The following MAPKAP1 variants were observed in gnomAD, a reference collection of about 807,000 sequenced individuals.
The protein encoded by MAPKAP1 is MAPK associated protein 1, also known as target of rapamycin complex 2 subunit MAPKAP1.
A neutral mutation model predicts 65.7 loss-of-function variants in MAPKAP1; 20 were observed. The observed-to-expected ratio is 0.30, with a 90% confidence interval of 0.21 to 0.44. The LOEUF (loss-of-function observed/expected upper bound fraction) is 0.44. Ranked by LOEUF, MAPKAP1 falls within the 20% of genes least tolerant of loss-of-function variation. MAPKAP1 has a pLI of 1.00. For missense variants in MAPKAP1, 423 were observed against 648.0 expected (o/e 0.65, Z 3.77); for synonymous variants, 222 against 244.3 (o/e 0.91, Z 0.85).
chr9:125,508,405 C>G (rs751185032), intron 7 of MAPKAP1, among the ~76,000 whole-genome samples: 1 of 152,110 alleles, frequency 6.6e-6, no homozygotes, highest in Non-Finnish European at 1.5e-5. Context: ...TACCCCTGAA[C>G]CTGGAGGGCT....
At chr9:125,469,038 T>C (rs1853795668) in intron 9 of MAPKAP1, among the ~76,000 whole-genome samples, 1 of 152,164 alleles carries the variant, frequency 6.6e-6, no homozygotes, top group Admixed American at 6.5e-5. Flanking sequence ...CTCTTTTTCC[T>C]CTTTTGCTGA....
chr9:125,613,725 G>A (rs1471268170), intron 4 of MAPKAP1, among the ~76,000 whole-genome samples: 1 of 152,066 alleles, frequency 6.6e-6, no homozygotes, highest in African/African-American at 2.4e-5. Flanking sequence ...TTATTAGCAG[G>A]TTCCGCCAAA....
chr9:125,556,812 A>T (rs1159529335), intron 6 of MAPKAP1, among the ~76,000 whole-genome samples: 1 of 152,242 alleles, frequency 6.6e-6, no homozygotes, highest in Non-Finnish European at 1.5e-5. Context: ...CTAACTTAGA[A>T]TATAGACCAG....
chr9:125,697,688 A>G (rs1835426667), intron 1 of MAPKAP1, among the ~76,000 whole-genome samples: 1 of 152,226 alleles, frequency 6.6e-6, no homozygotes, highest in Non-Finnish European at 1.5e-5. Flanking sequence ...TTTCTTTAAT[A>G]AAGATTCCTA....
In MAPKAP1 at chr9:125,438,807, G is replaced by A. The variant is rs554364977; in HGVS notation, c.*80C>T. The A allele has an allele frequency of 5.4e-5, 85 of 1,584,650 alleles. No homozygotes were observed. In the South Asian group the frequency reaches 8.9e-4, roughly 17 times the overall value. ...GCTGGCCTCCCCCCGAGGACTTCAG[G>A]ACACCGGGTGGACTCTAGGGCACTT... is the stretch of plus-strand genomic sequence containing the variant. On this transcript the variant is annotated 3_prime_UTR_variant, in exon 12 of 12. Coordinates refer to ENST00000265960, the MANE Select transcript of MAPKAP1 (RefSeq NM_001006617.3).
rs775517443 is a variant in MAPKAP1 at position 125,440,720 on chromosome 9, C to T, written c.1444-1708G>A. Among the ~76,000 whole-genome samples, 49 of 152,236 alleles carry T rather than the reference C, an allele frequency of 3.2e-4. 1 individual carries two copies. The highest frequency in any genetic ancestry group is 1.0e-4 in the Non-Finnish European group (7 of 68,046). On this transcript the variant is annotated intron_variant, in intron 11 of 11. Transcript: ENST00000265960. ...GCGTGAGTACAGAAGGCCTGACACG[C>T]TCTGCCCGCTGCCTCGCCAAGTTAC...
At chr9:125,442,444 A>T (rs1398510281) in intron 11 of MAPKAP1, among the ~76,000 whole-genome samples, 1 of 151,856 alleles carries the variant, frequency 6.6e-6, no homozygotes, top group Non-Finnish European at 1.5e-5. Context: ...TCTGTCATCA[A>T]TCTGCTGTTG....
intron 4 of MAPKAP1, among the ~76,000 whole-genome samples, chr9:125,616,409 T>A (rs1292435475): frequency 1.3e-5 from 2 of 152,056 alleles, no homozygotes; most frequent in Non-Finnish European, 2.9e-5. Flanking sequence ...AAAAAGAGAA[T>A]GAAGACAAGT....
chr9:125,656,091 A>T (rs796679302), intron 4 of MAPKAP1, among the ~76,000 whole-genome samples: 1 of 152,354 alleles, frequency 6.6e-6, no homozygotes, highest in African/African-American at 2.4e-5. Flanking sequence ...ATATAAACAC[A>T]TTATCACACA....
chr9:125,545,987 C>T (rs755236962), intron 6 of MAPKAP1, among the ~76,000 whole-genome samples: 15 of 152,180 alleles, frequency 9.9e-5, no homozygotes, highest in Non-Finnish European at 1.5e-4. Context: ...CACCTGCGGA[C>T]GCTTCCGAGC....
At position 125,444,576 on chromosome 9, in the gene MAPKAP1, C is replaced by A. The variant is rs35549826; in HGVS notation, c.1368G>T (p.Thr456=). 1.9e-6 allele frequency: 3 copies of A among 1,613,470 alleles called. No homozygotes were observed. Among genetic ancestry groups the A allele is most frequent in the Admixed American group, 1.7e-5 (1 of 59,922 alleles). ...KSPSHAIFKL[T]YLSNHDYKHL... is the part of the protein sequence containing the mutation. ...GTTTATAGTCGTGATTGCTTAGATA[C>A]GTGAGTTTAAATATTGCGTGACCTG... Residue 456 remains threonine, a synonymous_variant, in exon 11 of 12, where the codon ACG becomes ACT. Coordinates refer to ENST00000265960, the MANE Select transcript of MAPKAP1 (RefSeq NM_001006617.3).
chr9:125,478,486 C>G (rs1428590258), intron 9 of MAPKAP1, among the ~76,000 whole-genome samples: 1 of 152,118 alleles, frequency 6.6e-6, no homozygotes, highest in African/African-American at 2.4e-5. Context: ...CGCCACCACA[C>G]CCAGCTAAGG....
chr9:125,599,015 A>G (rs1832222993), intron 4 of MAPKAP1, among the ~76,000 whole-genome samples: 1 of 151,392 alleles, frequency 6.6e-6, no homozygotes, highest in East Asian at 1.9e-4. Context: ...CTGGGTGACA[A>G]GAATGAAACT....
At chr9:125,653,223 C>T (rs1386647896) in intron 4 of MAPKAP1, among the ~76,000 whole-genome samples, 1 of 152,146 alleles carries the variant, frequency 6.6e-6, no homozygotes, top group African/African-American at 2.4e-5. Flanking sequence ...GCCCCTGTAA[C>T]AAGAAACAGA....
Position 125,438,563 on chromosome 9 carries a change from GT to G in MAPKAP1, c.*323del, listed in dbSNP as rs1488344643. 1 of 413,612 alleles carries G rather than the reference GT, an allele frequency of 2.4e-6. No homozygotes were observed. Among genetic ancestry groups the G allele is most frequent in the Non-Finnish European group, 4.2e-6 (1 of 235,472 alleles). The allele number at this position is 413,612 out of a possible 1,614,324, so 25.6% of individuals were successfully genotyped here. A position where few individuals can be genotyped will look rare whatever the true frequency, so the allele number is the denominator to read the frequency against. ...ATTTGATCAAGTTGCAAGGAAATGTGTGGGCACGGCTCTGTACATCCTCGGG... is the reference window on the plus strand; with the variant it reads ...ATTTGATCAAGTTGCAAGGAAATGTGGGGCACGGCTCTGTACATCCTCGGG... On this transcript the variant is annotated 3_prime_UTR_variant, in exon 12 of 12. Coordinates refer to ENST00000265960, the MANE Select transcript of MAPKAP1 (RefSeq NM_001006617.3).
At chr9:125,478,839 A>G (rs1225780276) in intron 9 of MAPKAP1, among the ~76,000 whole-genome samples, 1 of 152,244 alleles carries the variant, frequency 6.6e-6, no homozygotes, top group African/African-American at 2.4e-5. Flanking sequence ...TCCAAGCCTC[A>G]GTTTTCCCAG....
chr9:125,576,456 T>G (rs969056671), intron 5 of MAPKAP1, among the ~76,000 whole-genome samples: 1 of 152,046 alleles, frequency 6.6e-6, no homozygotes, highest in Non-Finnish European at 1.5e-5. Context: ...TCGATTAAAA[T>G]TTTTTTAAAA....
chr9:125,565,161 TAA>T (rs1250774859), intron 5 of MAPKAP1, among the ~76,000 whole-genome samples: 4 of 152,098 alleles, frequency 2.6e-5, no homozygotes, highest in Non-Finnish European at 2.9e-5. Flanking sequence ...TTCCATCAGA[TAA>T]GATTAAAATT....
chr9:125,476,852 C>G (rs1362084165), intron 9 of MAPKAP1, among the ~76,000 whole-genome samples: 1 of 152,178 alleles, frequency 6.6e-6, no homozygotes, highest in Non-Finnish European at 1.5e-5. Flanking sequence ...TGCTCAGGCC[C>G]AGGGCAGACA....
Sources: gnomAD v4.1 joint callset for allele counts (sites outside exome capture counted in the v4.1 genomes callset) on GRCh38, gnomAD v4.1.1 for gene constraint, MANE v1.5 for transcripts, NCBI Gene and HGNC (gene_info 2026-07-23, HGNC 2026-07-21) for gene names.